ANK3: variants seen among roughly 807,000 people sequenced by gnomAD.
The protein encoded by ANK3 is ankyrin-3.
ANK3 carries 57 observed loss-of-function variants against 370.9 expected under a neutral mutation model. That is an observed-to-expected ratio of 0.15 (90% confidence interval 0.12 to 0.19). The LOEUF (loss-of-function observed/expected upper bound fraction) is 0.19, where lower values mean the gene tolerates loss of function less well. Ranked by LOEUF, ANK3 falls within the 10% of genes least tolerant of loss-of-function variation. The probability of loss-of-function intolerance (pLI) is 1.00; values close to 1 mark genes in which losing one functional copy is unlikely to be tolerated. For synonymous variants in ANK3, 1,929 were observed against 1,946.3 expected (o/e 0.99, Z 0.23); for missense variants, 4,439 against 5,302.1 (o/e 0.84, Z 5.06).
At chr10:60,683,010 C>A (rs1003650312) in intron 1 of ANK3, among the ~76,000 whole-genome samples, 8 of 152,094 alleles carry the variant, frequency 5.3e-5, no homozygotes, top group Non-Finnish European at 7.4e-5. Flanking sequence ...TGGGACTAAG[C>A]CCTCAACCTA....
chr10:60,249,099 C>T (rs2097602600), intron 7 of ANK3, among the ~76,000 whole-genome samples: 1 of 152,050 alleles, frequency 6.6e-6, no homozygotes, highest in African/African-American at 2.4e-5. Flanking sequence ...CAAAAGTAGC[C>T]TGCTATCTGT....
chr10:60,243,168 G>GT (rs1436572958), intron 7 of ANK3, among the ~76,000 whole-genome samples: 1 of 152,176 alleles, frequency 6.6e-6, no homozygotes, highest in Admixed American at 6.5e-5. Flanking sequence ...CCTTAGGTAA[G>GT]TTTACTTAAA....
At chr10:60,558,555 T>C (rs2077262120) in intron 2 of ANK3, among the ~76,000 whole-genome samples, 2 of 152,136 alleles carry the variant, frequency 1.3e-5, no homozygotes. Flanking sequence ...TACCACCCTA[T>C]TCCCTCCTCC....
chr10:60,473,549 T>G (rs1219403206), intron 2 of ANK3, among the ~76,000 whole-genome samples: 1 of 152,050 alleles, frequency 6.6e-6, no homozygotes, highest in Non-Finnish European at 1.5e-5. Flanking sequence ...ATGAAGATAA[T>G]AAGAAGATGA....
chr10:60,546,168 T>A (rs957230135), intron 2 of ANK3, among the ~76,000 whole-genome samples: 2 of 152,178 alleles, frequency 1.3e-5, no homozygotes, highest in African/African-American at 4.8e-5. Context: ...CCTGAGTAGT[T>A]GGGACTACAG....
intron 24 of ANK3, among the ~76,000 whole-genome samples, chr10:60,135,141 A>G (rs1018117981): frequency 6.6e-5 from 10 of 152,206 alleles, no homozygotes; most frequent in African/African-American, 2.4e-4. Flanking sequence ...GGCCCTTGGG[A>G]GAACAGTTCT....
chr10:60,435,511 C>T (rs969202302), intron 2 of ANK3, among the ~76,000 whole-genome samples: 1 of 152,120 alleles, frequency 6.6e-6, no homozygotes, highest in Non-Finnish European at 1.5e-5. Flanking sequence ...GATGAATTTT[C>T]ATTTTAAAAA....
intron 2 of ANK3, among the ~76,000 whole-genome samples, chr10:60,518,357 G>A (rs1270364379): frequency 1.3e-5 from 2 of 152,058 alleles, no homozygotes; most frequent in African/African-American, 2.4e-5. Flanking sequence ...TGCTGCTCTG[G>A]CCTCCTTGAG....
intron 2 of ANK3, among the ~76,000 whole-genome samples, chr10:60,466,505 T>A (rs1387933849): frequency 6.6e-6 from 1 of 152,148 alleles, no homozygotes; most frequent in Non-Finnish European, 1.5e-5. Flanking sequence ...TGGAAAACAG[T>A]CTGGAAGACT....
At chr10:60,160,676 C>T (rs190812906) in intron 23 of ANK3, among the ~76,000 whole-genome samples, 1 of 152,182 alleles carries the variant, frequency 6.6e-6, no homozygotes, top group African/African-American at 2.4e-5. Flanking sequence ...CCATATATAA[C>T]AACATAGTAG....
intron 1 of ANK3, among the ~76,000 whole-genome samples, chr10:60,722,103 G>C (rs182194643): frequency 6.6e-6 from 1 of 151,846 alleles, no homozygotes; most frequent in Non-Finnish European, 1.5e-5. Flanking sequence ...GTGGACATCC[G>C]CACCAACCTA....
chr10:60,103,151 C>A (rs531524427), intron 28 of ANK3, among the ~76,000 whole-genome samples: 9 of 152,018 alleles, frequency 5.9e-5, no homozygotes, highest in Non-Finnish European at 7.4e-5. Context: ...GGGGTTTCAC[C>A]ATGTTGGCCA....
chr10:60,637,202 A>G (rs1008423514), intron 1 of ANK3, among the ~76,000 whole-genome samples: 13 of 152,118 alleles, frequency 8.5e-5, no homozygotes, highest in African/African-American at 3.1e-4. Flanking sequence ...TCCTAGGCAG[A>G]ATTTGATCAC....
At chr10:60,526,456 AACAG>A (rs1259202358) in intron 2 of ANK3, among the ~76,000 whole-genome samples, 2 of 152,118 alleles carry the variant, frequency 1.3e-5, no homozygotes, top group African/African-American at 4.8e-5. Context: ...TGTTCCATCA[AACAG>A]ACATTCTTTG....
intron 23 of ANK3, chr10:60,146,115 A>G (rs2094810349): frequency 1.3e-6 from 2 of 1,492,560 alleles, no homozygotes; most frequent in Middle Eastern, 2.3e-4. Flanking sequence ...CATCCACCAG[A>G]AACAGTATTG....
intron 42 of ANK3, among the ~76,000 whole-genome samples, chr10:60,045,888 A>G (rs768840169): frequency 6.6e-6 from 1 of 150,558 alleles, no homozygotes; most frequent in Non-Finnish European, 1.5e-5. Context: ...CTAGAACACT[A>G]TTGTTTTGCT....
intron 2 of ANK3, among the ~76,000 whole-genome samples, chr10:60,416,252 G>A (rs888461226): frequency 4.6e-5 from 7 of 152,100 alleles, no homozygotes; most frequent in African/African-American, 1.4e-4. Flanking sequence ...TTTTGTTACA[G>A]TAGCACAGAT....
At chr10:60,403,488 C>T (rs1442403753) in intron 2 of ANK3, among the ~76,000 whole-genome samples, 1 of 152,208 alleles carries the variant, frequency 6.6e-6, no homozygotes, top group Non-Finnish European at 1.5e-5. Context: ...TAAAGTGAGG[C>T]TTATCCCCGA....
chr10:60,683,114 G>T (rs772609333), intron 1 of ANK3, among the ~76,000 whole-genome samples: 1 of 152,086 alleles, frequency 6.6e-6, no homozygotes, highest in East Asian at 1.9e-4. Flanking sequence ...AAAAACCCCC[G>T]CATCTTTGGT....
Sources: gnomAD v4.1 joint callset for allele counts (sites outside exome capture counted in the v4.1 genomes callset) on GRCh38, gnomAD v4.1.1 for gene constraint, MANE v1.5 for transcripts, NCBI Gene and HGNC (gene_info 2026-07-23, HGNC 2026-07-21) for gene names.